The following DNAJC7 variants were observed in gnomAD, a reference collection of about 807,000 sequenced individuals.
DNAJC7 encodes DnaJ heat shock protein family (Hsp40) member C7.
A neutral mutation model predicts 67.4 loss-of-function variants in DNAJC7; 18 were observed. That is an observed-to-expected ratio of 0.27 (90% CI 0.18 to 0.40). The LOEUF is 0.40. Ranked by LOEUF, DNAJC7 falls within the 10% of genes least tolerant of loss-of-function variation. DNAJC7 has a pLI of 1.00. For synonymous variants in DNAJC7, 220 were observed against 207.8 expected, an observed-to-expected ratio of 1.06 and a Z score of -0.50; for missense variants, 419 against 613.8, an observed-to-expected ratio of 0.68 and a Z score of 3.35.
intron 4 of DNAJC7, among the ~76,000 whole-genome samples, chr17:41,995,740 A>G (rs185171406): frequency 1.3e-5 from 2 of 152,374 alleles, no homozygotes; most frequent in African/African-American, 2.4e-5. Flanking sequence ...GACACATACT[A>G]TATATGGAGA....
At chr17:42,003,498 G>A (rs570689137) in intron 1 of DNAJC7, 2 of 152,332 alleles carry the variant, frequency 1.3e-5, no homozygotes, top group South Asian at 4.1e-4. Flanking sequence ...AAGGGCTGAA[G>A]CTTGTTCAAG....
intron 12 of DNAJC7, among the ~76,000 whole-genome samples, chr17:41,979,226 C>G (rs1031922938): frequency 7.9e-5 from 12 of 151,656 alleles, no homozygotes; most frequent in African/African-American, 2.9e-4. Flanking sequence ...GTAATCCCAG[C>G]TACTCAGGAG....
chr17:41,979,700 C>T (rs1287336726), intron 12 of DNAJC7, among the ~76,000 whole-genome samples: 4 of 145,844 alleles, frequency 2.7e-5, no homozygotes, highest in Admixed American at 7.0e-5. Flanking sequence ...CGGTGGCTCA[C>T]GCCTGTAATT....
Position 41,976,500 on chromosome 17 carries a change from A to G in DNAJC7, c.*233T>C. 1.9e-6 allele frequency: 1 copy of G among 525,394 alleles called. No homozygotes were observed. The highest frequency in any genetic ancestry group is 3.3e-6 in the Non-Finnish European group (1 of 304,102). The allele number at this position is 525,394 out of a possible 1,614,324, so 32.5% of individuals were successfully genotyped here. On this transcript the variant is annotated 3_prime_UTR_variant, in exon 14 of 14. Coordinates refer to ENST00000457167, the MANE Select transcript of DNAJC7 (RefSeq NM_003315.4). The stretch of plus-strand genomic sequence containing the variant: ...TTTTAATAAAGTTAAACAGTAAAAC[A>G]AAAATTCACAAGCTGCCTCCCTGTC...
At chr17:41,994,780 C>T in intron 5 of DNAJC7, 90 bp downstream of exon 5, 2 of 1,063,384 alleles carry the variant, frequency 1.9e-6, no homozygotes, top group Non-Finnish European at 1.4e-6. Flanking sequence ...AGCTTTTGTG[C>T]CATACTACTC....
rs71705091 is a variant in DNAJC7 at position 41,976,461 on chromosome 17, CTT to C, written c.*270_*271del. 3.0e-6 allele frequency: 1 copy of C among 335,940 alleles called. No homozygotes were observed. Among genetic ancestry groups the C allele is most frequent in the South Asian group, 4.1e-5 (1 of 24,438 alleles). 20.8% of individuals were successfully genotyped at this position (335,940 alleles called of 1,614,324 possible). A position where few individuals can be genotyped will look rare whatever the true frequency, so the allele number is the denominator to read the frequency against. On this transcript the variant is annotated 3_prime_UTR_variant, in exon 14 of 14. Coordinates refer to ENST00000457167, the MANE Select transcript of DNAJC7 (RefSeq NM_003315.4). ...AGGAAGGGTCAAAACATTTTATTCT[CTT>C]TTTTTTTTCTTTTTTAATAAAGTTA... is the stretch of plus-strand genomic sequence containing the variant.
In DNAJC7 at chr17:41,997,432, C is replaced by CA. The variant is rs550691498; in HGVS notation, c.167-194dup. Among the ~76,000 whole-genome samples, 5,063 of 118,308 alleles carry CA rather than the reference C, an allele frequency of 0.043. 138 individuals carry two copies. Among genetic ancestry groups the CA allele is most frequent in the Middle Eastern group, 0.14 (32 of 232 alleles). The allele number at this position is 118,308 out of a possible 152,430, so 77.6% of individuals were successfully genotyped here. On this transcript the variant is annotated intron_variant, in intron 2 of 13. Coordinates refer to ENST00000457167, the MANE Select transcript of DNAJC7 (RefSeq NM_003315.4). ...GCACAACCCCATCTCTACTAAAATA[C>CA]AAAAAAAAAAAAAAAATAGCTGGGC...
chr17:42,004,792 CAAG>C (rs781784402), intron 1 of DNAJC7, among the ~76,000 whole-genome samples: 1 of 152,192 alleles, frequency 6.6e-6, no homozygotes, highest in Non-Finnish European at 1.5e-5. Flanking sequence ...GAGACAGAGA[CAAG>C]AAGACTGCTT....
chr17:41,980,688 G>A (rs191415177), intron 12 of DNAJC7, among the ~76,000 whole-genome samples: 41 of 152,062 alleles, frequency 2.7e-4, no homozygotes, highest in Non-Finnish European at 4.1e-4. Context: ...GTAAGCCACC[G>A]CGCCCAGCTC....
intron 9 of DNAJC7, chr17:41,985,211 G>C (rs1275655786): frequency 6.6e-6 from 1 of 152,172 alleles, no homozygotes; most frequent in African/African-American, 2.4e-5. Flanking sequence ...GCTGGCAAAA[G>C]AGAAGCCCAA....
intron 5 of DNAJC7, chr17:41,992,663 G>A (rs572683117): frequency 6.6e-6 from 1 of 152,254 alleles, no homozygotes; most frequent in African/African-American, 2.4e-5. Flanking sequence ...CTAATCATGG[G>A]GATCGTCAGT....
intron 2 of DNAJC7, among the ~76,000 whole-genome samples, chr17:41,998,487 G>A (rs1026751210): frequency 1.6e-4 from 25 of 152,168 alleles, no homozygotes; most frequent in African/African-American, 5.8e-4. Flanking sequence ...TAAATAGGCT[G>A]CATCCAAATT....
intron 1 of DNAJC7, among the ~76,000 whole-genome samples, chr17:42,002,957 A>C (rs1307390167): frequency 6.6e-6 from 1 of 152,230 alleles, no homozygotes; most frequent in African/African-American, 2.4e-5. Context: ...TTTAAGATGC[A>C]AGACCTAGTG....
intron 1 of DNAJC7, chr17:42,011,284 T>C (rs1309075597): frequency 6.6e-6 from 1 of 152,226 alleles, no homozygotes; most frequent in Non-Finnish European, 1.5e-5. Context: ...ATGACTAAAC[T>C]AATCCCTGAT....
chr17:41,995,806 A>G (rs1197781956), intron 4 of DNAJC7, among the ~76,000 whole-genome samples: 1 of 152,174 alleles, frequency 6.6e-6, no homozygotes, highest in Non-Finnish European at 1.5e-5. Context: ...GAATTTACTC[A>G]AATTCTTTTT....
chr17:41,990,123 A>T, intron 6 of DNAJC7, 141 bp downstream of exon 6: 1 of 742,182 alleles, frequency 1.3e-6, no homozygotes, highest in African/African-American at 1.8e-5. Flanking sequence ...AAGCTGGTCT[A>T]ATCTTTGACT....
chr17:42,008,639 T>C (rs1414218822), intron 1 of DNAJC7, among the ~76,000 whole-genome samples: 1 of 152,170 alleles, frequency 6.6e-6, no homozygotes, highest in Non-Finnish European at 1.5e-5. Context: ...CTCAATCTCC[T>C]GACCTCATGA....
rs2051683033 is a variant in DNAJC7 at position 41,997,130 on chromosome 17, A to T, written c.276T>A (p.Asp92Glu). Reference protein sequence around the residue: ...LGDAQQSVRLDDSFVRGHLRE... With the variant: ...LGDAQQSVRLEDSFVRGHLRE... ...ACATACATACCCGGACAAAACTGTC[A>T]TCCAACCTCACTGACTGTTGTGCAT... Residue 92 changes from aspartate to glutamate, a missense_variant, in exon 3 of 14, where the codon GAT (aspartate) becomes GAA (glutamate). Transcript: ENST00000457167. 2 of 1,614,036 alleles carry T rather than the reference A, an allele frequency of 1.2e-6. No individual in the cohort carries two copies. The highest frequency in any genetic ancestry group is 4.5e-5 in the East Asian group (2 of 44,894).
chr17:41,983,659 T>C, intron 9 of DNAJC7, 23 bp from the exon 10 acceptor site: 1 of 1,588,534 alleles, frequency 6.3e-7, no homozygotes. Flanking sequence ...TACAAGGCAA[T>C]ACAGCACTAA....
Sources: gnomAD v4.1 joint callset for allele counts (sites outside exome capture counted in the v4.1 genomes callset) on GRCh38, gnomAD v4.1.1 for gene constraint, MANE v1.5 for transcripts, NCBI Gene and HGNC (gene_info 2026-07-23, HGNC 2026-07-21) for gene names.